PPP4R3A: variants seen among roughly 807,000 people sequenced by gnomAD.
The protein encoded by PPP4R3A is protein phosphatase 4 regulatory subunit 3A, also known as serine/threonine-protein phosphatase 4 regulatory subunit 3A.
Under a neutral mutation model 91.7 loss-of-function variants are expected in PPP4R3A, and 15 were observed. That is an observed-to-expected ratio of 0.16 (90% CI 0.11 to 0.25). PPP4R3A has a LOEUF of 0.25. Among genes scored for constraint, PPP4R3A ranks in the 10% least tolerant of loss-of-function variants. PPP4R3A has a pLI of 1.00. For missense variants in PPP4R3A, 623 were observed against 998.4 expected (o/e 0.62, Z 5.07); for synonymous variants, 377 against 348.7 (o/e 1.08, Z -0.91).
At chr14:91,474,573 G>A (rs1184359862) in intron 7 of PPP4R3A, 5 of 151,986 alleles carry the variant, frequency 3.3e-5, no homozygotes, top group Non-Finnish European at 7.4e-5. Flanking sequence ...GGGTTAATGG[G>A]ACCAACAATA....
In PPP4R3A at chr14:91,475,898, T is replaced by G; in HGVS notation, c.1179A>C (p.Pro393=). The change falls in exon 7 of 15, where the codon CCA becomes CCC. Residue 393 remains proline, a synonymous_variant. Transcript: ENST00000554943. ...GCATGACAAACTCTCGTACCATGGA[T>G]GGATTATATTCAACCAAGTATGAGA... ...DIFSYLVEYN[P]SMVREFVMQE... 1 of 1,613,556 alleles carries G rather than the reference T, an allele frequency of 6.2e-7. No individual in the cohort carries two copies. The highest frequency in any genetic ancestry group is 8.5e-7 in the Non-Finnish European group (1 of 1,179,896).
In PPP4R3A at chr14:91,507,354, T is replaced by C. The variant is rs866326500; in HGVS notation, c.142+2152A>G. On this transcript the variant is annotated intron_variant, in intron 1 of 14. Coordinates refer to ENST00000554943, the MANE Select transcript of PPP4R3A (RefSeq NM_001366432.2). ...AAATCTATACATATTATATATACTA[T>C]ATAGTATATATACTATAATTATATA... 2.0e-4 allele frequency among the ~76,000 whole-genome samples: 18 copies of C among 89,558 alleles called. No individual in the cohort carries two copies. The South Asian group carries it at 3.3e-3, about 16-fold the overall frequency. 58.8% of individuals were successfully genotyped at this position (89,558 alleles called of 152,430 possible).
chr14:91,467,874 C>T (rs1016131947), intron 10 of PPP4R3A, among the ~76,000 whole-genome samples: 1 of 152,110 alleles, frequency 6.6e-6, no homozygotes, highest in Admixed American at 6.5e-5. Context: ...TATATGTGCA[C>T]CTAAACTTAA....
In PPP4R3A at chr14:91,457,859, GTAT is replaced by G. The variant is rs1222472538; in HGVS notation, c.*897_*899del. The G allele has an allele frequency of 6.6e-6, 1 of 152,530 alleles. No individual in the cohort carries two copies. The highest frequency in any genetic ancestry group is 1.5e-5 in the Non-Finnish European group (1 of 68,010). The allele number at this position is 152,530 out of a possible 1,614,324, so 9.4% of individuals were successfully genotyped here. A position where few individuals can be genotyped will look rare whatever the true frequency, so the allele number is the denominator to read the frequency against. The stretch of plus-strand genomic sequence containing the variant: ...ATATAAAATATTTAGTCACAAAATA[GTAT>G]TGCTTTTGTATGCACATAGTTGTAA... On this transcript the variant is annotated 3_prime_UTR_variant, in exon 15 of 15. Transcript: ENST00000554943.
At chr14:91,460,075 C>T (rs992951198) in intron 14 of PPP4R3A, among the ~76,000 whole-genome samples, 1 of 151,960 alleles carries the variant, frequency 6.6e-6, no homozygotes, top group African/African-American at 2.4e-5. Flanking sequence ...GCAGTGGCGC[C>T]ATCTCAGCTC....
chr14:91,479,328 GTA>G (rs1491064602), intron 4 of PPP4R3A, among the ~76,000 whole-genome samples: 1 of 149,820 alleles, frequency 6.7e-6, no homozygotes, highest in African/African-American at 2.5e-5. Context: ...GTGTGTGTGT[GTA>G]TGGGTGCAAA....
intron 1 of PPP4R3A, among the ~76,000 whole-genome samples, chr14:91,499,388 G>C (rs952448037): frequency 6.6e-6 from 1 of 152,164 alleles, no homozygotes; most frequent in Non-Finnish European, 1.5e-5. Context: ...AATAAGTACA[G>C]TGGAATACTA....
chr14:91,493,234 C>G (rs1262354782), intron 1 of PPP4R3A, among the ~76,000 whole-genome samples: 1 of 149,992 alleles, frequency 6.7e-6, no homozygotes, highest in African/African-American at 2.5e-5. Flanking sequence ...ACTAAAAATA[C>G]AAAAATTAGC....
At chr14:91,498,782 T>A (rs889722618) in intron 1 of PPP4R3A, among the ~76,000 whole-genome samples, 1 of 151,860 alleles carries the variant, frequency 6.6e-6, no homozygotes, top group South Asian at 2.1e-4. Flanking sequence ...GGCGTGGTGG[T>A]GGGCGCCTGT....
rs761366608 is a variant in PPP4R3A at position 91,490,736 on chromosome 14, C to A, written c.198+11G>T. 2 of 1,604,654 alleles carry A rather than the reference C, an allele frequency of 1.2e-6. No homozygotes were observed. The highest frequency in any genetic ancestry group is 2.2e-5 in the South Asian group (2 of 89,672). On this transcript the variant is annotated intron_variant, in intron 2 of 14. Transcript: ENST00000554943. ...AAATATGCAAGATAAAACACATCTT[C>A]AAAATTTTACCTGTTGTTTCTGGTA...
chr14:91,458,674 C>A lies in PPP4R3A; in HGVS notation c.*85G>T, dbSNP rs1461792595. ...TGTGTCAGTCATTCACAAGAGACCACTGCGCTTTGTTGTGGATTTTGTATG... is the reference window on the plus strand; with the variant it reads ...TGTGTCAGTCATTCACAAGAGACCAATGCGCTTTGTTGTGGATTTTGTATG... On this transcript the variant is annotated 3_prime_UTR_variant, in exon 15 of 15. Coordinates refer to ENST00000554943, the MANE Select transcript of PPP4R3A (RefSeq NM_001366432.2). 2.5e-6 allele frequency: 4 copies of A among 1,596,272 alleles called. No homozygotes were observed.
intron 10 of PPP4R3A, 64 bp downstream of exon 10, chr14:91,470,773 C>T: frequency 6.4e-7 from 1 of 1,551,194 alleles, no homozygotes; most frequent in Non-Finnish European, 8.7e-7. Context: ...TTCATTTGGG[C>T]AATAAGATGT....
Position 91,509,838 on chromosome 14 carries a change from G to C in PPP4R3A, c.-191C>G. The C allele has an allele frequency of 8.6e-7, 1 of 1,167,954 alleles. No homozygotes were observed. Among genetic ancestry groups the C allele is most frequent in the South Asian group, 4.0e-5 (1 of 24,834 alleles). 72.3% of individuals were successfully genotyped at this position (1,167,954 alleles called of 1,614,324 possible). ...TCCAGGGACCGAGCTCTGGGCCGCC[G>C]CCTTTCCTCGCCTCCGGCTCCCCGG... On this transcript the variant is annotated 5_prime_UTR_variant, in exon 1 of 15. Transcript: ENST00000554943.
chr14:91,472,344 T>C (rs1420306960), intron 9 of PPP4R3A, among the ~76,000 whole-genome samples: 1 of 152,200 alleles, frequency 6.6e-6, no homozygotes, highest in Non-Finnish European at 1.5e-5. Context: ...TACTGCCTTC[T>C]ATTTATATTT....
At position 91,479,958 on chromosome 14, in the gene PPP4R3A, G is replaced by C. The variant is rs559085521; in HGVS notation, c.915+1618C>G. On this transcript the variant is annotated intron_variant, in intron 4 of 14. Coordinates refer to ENST00000554943, the MANE Select transcript of PPP4R3A (RefSeq NM_001366432.2). ...CCTATGTAAACTTCTATTTCAGTTA[G>C]AATAGACCAATTCACACACTGGGAT... Among the ~76,000 whole-genome samples the C allele has an allele frequency of 2.0e-5, 3 of 152,316 alleles. No homozygotes were observed. In the South Asian group the frequency reaches 6.2e-4, roughly 32 times the overall value.
intron 4 of PPP4R3A, among the ~76,000 whole-genome samples, chr14:91,478,678 A>G (rs547641871): frequency 1.0e-3 from 158 of 152,372 alleles, no homozygotes; most frequent in African/African-American, 3.7e-3. Flanking sequence ...CATAACAAAA[A>G]CAGAACCATA....
Position 91,492,234 on chromosome 14 carries a change from A to G in PPP4R3A, c.143-1432T>C, listed in dbSNP as rs571826665. 5.9e-5 allele frequency among the ~76,000 whole-genome samples: 9 copies of G among 152,314 alleles called. No individual in the cohort carries two copies. In the East Asian group the frequency reaches 1.7e-3, roughly 29 times the overall value. On this transcript the variant is annotated intron_variant, in intron 1 of 14. Coordinates refer to ENST00000554943, the MANE Select transcript of PPP4R3A (RefSeq NM_001366432.2). Reference sequence around the variant, plus strand: ...GTTTATACCTGCAAGTACTACCTGAAGACAAACTCTGGCCCAAAATATTTG... The same window carrying G: ...GTTTATACCTGCAAGTACTACCTGAGGACAAACTCTGGCCCAAAATATTTG...
chr14:91,483,484 A>G (rs916767891), intron 3 of PPP4R3A, among the ~76,000 whole-genome samples: 14 of 152,306 alleles, frequency 9.2e-5, no homozygotes, highest in African/African-American at 3.1e-4. Context: ...GTAAGCTCTC[A>G]TTATAGTTTT....
chr14:91,486,729 C>T (rs944295398), intron 2 of PPP4R3A, among the ~76,000 whole-genome samples: 4 of 150,914 alleles, frequency 2.7e-5, no homozygotes, highest in South Asian at 2.1e-4. Context: ...CTGGCTAACA[C>T]GGTGAAACCC....
Sources: allele counts gnomAD v4.1 joint callset (sites outside exome capture counted in the v4.1 genomes callset), GRCh38; gene constraint gnomAD v4.1.1; transcripts MANE v1.5; gene names NCBI Gene and HGNC (gene_info 2026-07-23, HGNC 2026-07-21).